The following ACYP2 variants were observed in gnomAD, a reference collection of about 807,000 sequenced individuals.
The protein encoded by ACYP2 is acylphosphatase 2, also known as acylphosphatase-2.
In ACYP2, 12 loss-of-function variants were observed where a neutral mutation model predicts 11.2. That is an observed-to-expected ratio of 1.08 (90% CI 0.69 to 1.74). ACYP2 has a LOEUF of 1.74. Among genes scored for constraint, ACYP2 ranks in the 40% most tolerant of loss-of-function variants. ACYP2 has a pLI of 0.00. For missense variants in ACYP2, 134 were observed against 101.9 expected (o/e 1.31, Z -1.35); for synonymous variants, 43 against 32.2 (o/e 1.33, Z -1.13).
At chr2:54,113,735 A>G (rs929952992) in intron 4 of ACYP2, among the ~76,000 whole-genome samples, 1 of 152,182 alleles carries the variant, frequency 6.6e-6, no homozygotes, top group Non-Finnish European at 1.5e-5. Context: ...CATTCCAGAT[A>G]GAGTAGACCC....
At chr2:54,230,836 T>TC (rs1054918633) in intron 6 of ACYP2, among the ~76,000 whole-genome samples, 7 of 148,936 alleles carry the variant, frequency 4.7e-5, no homozygotes, top group Non-Finnish European at 7.5e-5. Flanking sequence ...TTTCTTTTTT[T>TC]TTTTTTTTTT....
rs147780439 is a variant in ACYP2, at chr2:54,135,304, A to G, written c.278-149A>G. On this transcript the variant is annotated intron_variant, in intron 4 of 6. Coordinates refer to ENST00000607452, the MANE Select transcript of ACYP2 (RefSeq NM_001320586.2). The stretch of plus-strand genomic sequence containing the variant: ...TCTGGAATTTTAAATTTAATATTGT[A>G]GGACCACAGTTGATGGAGGATTAAG... 1,422 of 659,300 alleles carry G rather than the reference A, an allele frequency of 2.2e-3. 15 individuals are homozygous for G. The African/African-American group carries it at 0.024, about 11-fold the overall frequency. The allele number at this position is 659,300 out of a possible 1,614,324, so 40.8% of individuals were successfully genotyped here.
chr2:54,122,933 C>G (rs907146702), intron 4 of ACYP2, among the ~76,000 whole-genome samples: 1 of 152,172 alleles, frequency 6.6e-6, no homozygotes, highest in African/African-American at 2.4e-5. Context: ...TGATGTCTAT[C>G]TGCAGGTAAG....
intron 6 of ACYP2, among the ~76,000 whole-genome samples, chr2:54,249,502 A>T (rs776254918): frequency 1.3e-5 from 2 of 152,052 alleles, no homozygotes; most frequent in Non-Finnish European, 2.9e-5. Flanking sequence ...CGTCATTTAC[A>T]TGCTCTGGCC....
intron 6 of ACYP2, among the ~76,000 whole-genome samples, chr2:54,266,259 C>T (rs1688011222): frequency 6.6e-6 from 1 of 152,136 alleles, no homozygotes; most frequent in South Asian, 2.1e-4. Flanking sequence ...TAAACAAGAT[C>T]CACCAACACA....
rs889774357 is a variant in ACYP2 at position 54,304,754 on chromosome 2, A to G, written c.471A>G (p.Glu157=). 5 of 1,612,150 alleles carry G rather than the reference A, an allele frequency of 3.1e-6. No homozygotes were observed. In the South Asian group the frequency reaches 3.3e-5, roughly 11 times the overall value. The change falls in exon 7 of 7, where the codon GAA becomes GAG. Residue 157 remains glutamate (E), a synonymous_variant. Transcript: ENST00000607452. ...TTGACCGCACAAACTTTTCTAATGA[A>G]AAAACCATCTCTAAGCTTGAATACT...
At chr2:54,280,771 T>A (rs1223101032) in intron 6 of ACYP2, among the ~76,000 whole-genome samples, 1 of 152,132 alleles carries the variant, frequency 6.6e-6, no homozygotes. Context: ...GGTAGAAGAG[T>A]AAGTGTGAAC....
intron 4 of ACYP2, among the ~76,000 whole-genome samples, chr2:54,097,351 C>T (rs985402200): frequency 6.6e-6 from 1 of 152,186 alleles, no homozygotes; most frequent in African/African-American, 2.4e-5. Context: ...CTTCATTTCC[C>T]TAAAGTGTCT....
intron 2 of ACYP2, among the ~76,000 whole-genome samples, chr2:54,000,819 G>A (rs956154322): frequency 4.6e-5 from 7 of 152,104 alleles, no homozygotes; most frequent in African/African-American, 1.7e-4. Context: ...ACGTCATATG[G>A]TCTTCTAACT....
intron 4 of ACYP2, among the ~76,000 whole-genome samples, chr2:54,083,384 C>G (rs1304847160): frequency 1.3e-5 from 2 of 152,166 alleles, no homozygotes; most frequent in Admixed American, 1.3e-4. Context: ...GATGGCAGCA[C>G]ACCAGTCTTC....
At chr2:54,255,798 T>A (rs1182628864) in intron 6 of ACYP2, 1 of 1,613,912 alleles carries the variant, frequency 6.2e-7, no homozygotes, top group East Asian at 2.2e-5. Flanking sequence ...CGTGCGTCTC[T>A]TCACCCGGAA....
intron 4 of ACYP2, among the ~76,000 whole-genome samples, chr2:54,069,399 A>G (rs1572686557): frequency 6.6e-6 from 1 of 151,816 alleles, no homozygotes; most frequent in Non-Finnish European, 1.5e-5. Flanking sequence ...ACGGTGGCTC[A>G]TGCCTGTAAT....
intron 2 of ACYP2, among the ~76,000 whole-genome samples, chr2:54,004,428 T>C: frequency 8.0e-6 from 1 of 124,744 alleles, no homozygotes; most frequent in South Asian, 2.5e-4. Flanking sequence ...TTTTTTTTTT[T>C]GAGACAGAGT....
intron 6 of ACYP2, among the ~76,000 whole-genome samples, chr2:54,233,073 A>T (rs1156486569): frequency 6.6e-6 from 1 of 151,996 alleles, no homozygotes; most frequent in Non-Finnish European, 1.5e-5. Context: ...ATGGAAGTTG[A>T]CTTTCATCAA....
At chr2:54,000,776 C>G (rs539483663) in intron 2 of ACYP2, among the ~76,000 whole-genome samples, 1 of 152,190 alleles carries the variant, frequency 6.6e-6, no homozygotes, top group East Asian at 1.9e-4. Context: ...TTTCCACTTA[C>G]GTCACTTCCA....
intron 2 of ACYP2, among the ~76,000 whole-genome samples, chr2:54,013,750 G>A (rs1015571535): frequency 6.6e-6 from 1 of 151,106 alleles, no homozygotes; most frequent in African/African-American, 2.4e-5. Flanking sequence ...AAAAGAGAGA[G>A]AGAGGTGAGT....
chr2:53,997,745 G>A (rs954803995), intron 2 of ACYP2, among the ~76,000 whole-genome samples: 1 of 151,960 alleles, frequency 6.6e-6, no homozygotes, highest in Non-Finnish European at 1.5e-5. Context: ...GATAGATGGG[G>A]AATAGATTAA....
At chr2:54,110,853 T>C (rs1679421830) in intron 4 of ACYP2, among the ~76,000 whole-genome samples, 1 of 151,964 alleles carries the variant, frequency 6.6e-6, no homozygotes, top group Non-Finnish European at 1.5e-5. Flanking sequence ...CGTTGACCGA[T>C]ACCTGAGGAA....
intron 6 of ACYP2, among the ~76,000 whole-genome samples, chr2:54,262,716 C>CT (rs772689841): frequency 0.015 from 2,162 of 146,396 alleles, 54 homozygotes; most frequent in African/African-American, 0.05. Flanking sequence ...TCTGTGATTA[C>CT]TTTTTTTTTT....
Sources: allele counts gnomAD v4.1 joint callset (sites outside exome capture counted in the v4.1 genomes callset), GRCh38; gene constraint gnomAD v4.1.1; transcripts MANE v1.5; gene names NCBI Gene and HGNC (gene_info 2026-07-23, HGNC 2026-07-21).